Variants in ARHGEF10 observed in about 807,000 individuals in gnomAD.
The protein encoded by ARHGEF10 is Rho guanine nucleotide exchange factor 10, also known as Rho guanine nucleotide exchange factor (GEF) 10.
Under a neutral mutation model 147.4 loss-of-function variants are expected in ARHGEF10, and 140 were observed. That is an observed-to-expected ratio of 0.95 (90% CI 0.83 to 1.09). The LOEUF is 1.09. Ranked by LOEUF, ARHGEF10 falls within the 50% of genes least tolerant of loss-of-function variation. The probability of loss-of-function intolerance (pLI) is 0.00; values close to 1 mark genes in which losing one functional copy is unlikely to be tolerated. For synonymous variants in ARHGEF10, 902 were observed against 695.8 expected (o/e 1.30, Z -4.67); for missense variants, 2,222 against 1,752.7 (o/e 1.27, Z -4.78).
chr8:1,843,576 T>A, intron 2 of ARHGEF10, 140 bp downstream of exon 2: 1 of 737,986 alleles, frequency 1.4e-6, no homozygotes, highest in Non-Finnish European at 2.4e-6. Flanking sequence ...AAGAGAAGGT[T>A]CTGACGTGAG....
chr8:1,881,582 C>T (rs1475931844), intron 9 of ARHGEF10, among the ~76,000 whole-genome samples: 1 of 146,836 alleles, frequency 6.8e-6, no homozygotes, highest in African/African-American at 2.6e-5. Context: ...GGATGGGGGA[C>T]AGCATTGCAA....
intron 11 of ARHGEF10, among the ~76,000 whole-genome samples, chr8:1,891,213 C>A (rs1034174569): frequency 6.6e-6 from 1 of 152,188 alleles, no homozygotes; most frequent in African/African-American, 2.4e-5. Flanking sequence ...TTTCATGCAG[C>A]TTTCTTTATT....
At chr8:1,856,148 G>C (rs1333883810) in intron 2 of ARHGEF10, among the ~76,000 whole-genome samples, 4 of 152,164 alleles carry the variant, frequency 2.6e-5, no homozygotes, top group Admixed American at 2.6e-4. Flanking sequence ...TTTGGTATCT[G>C]GGCAGAGCAG....
chr8:1,844,465 T>TCCCTGGGGCCTGGTAGATGACAGA (rs1329433075), intron 2 of ARHGEF10, among the ~76,000 whole-genome samples: 8 of 151,344 alleles, frequency 5.3e-5, no homozygotes, highest in East Asian at 1.9e-4. Flanking sequence ...AATCCAGGGG[T>TCCCTGGGGCCTGGTAGATGACAGA]GAGCAGTGGC....
intron 1 of ARHGEF10, among the ~76,000 whole-genome samples, chr8:1,836,642 G>T (rs760908029): frequency 6.6e-6 from 1 of 152,268 alleles, no homozygotes; most frequent in East Asian, 1.9e-4. Context: ...AGCGCATGCT[G>T]CCGTGGGCTG....
rs201154931 is a variant in ARHGEF10 at position 1,893,565 on chromosome 8, A to C, written c.1183-4A>C. On this transcript the variant is annotated splice_polypyrimidine_tract_variant and splice_region_variant and intron_variant, in intron 11 of 28. Transcript: ENST00000349830. ...CTATCATTGTACTTCCAAATTTCCAACAGGTTGTAAGAAGATATATACTGG... is the reference window on the plus strand; with the variant it reads ...CTATCATTGTACTTCCAAATTTCCACCAGGTTGTAAGAAGATATATACTGG... 24 of 1,610,004 alleles carry C rather than the reference A, an allele frequency of 1.5e-5. No individual in the cohort carries two copies. The highest frequency in any genetic ancestry group is 4.0e-5 in the African/African-American group (3 of 74,822).
At chr8:1,888,613 AGG>A (rs1809020321) in intron 11 of ARHGEF10, among the ~76,000 whole-genome samples, 1 of 127,802 alleles carries the variant, frequency 7.8e-6, no homozygotes, top group Admixed American at 7.6e-5. Context: ...GAGTGTGGTG[AGG>A]TTTGTGAGGA....
intron 11 of ARHGEF10, among the ~76,000 whole-genome samples, chr8:1,891,028 C>A (rs1809484332): frequency 1.3e-5 from 2 of 152,080 alleles, no homozygotes; most frequent in South Asian, 4.1e-4. Context: ...TTTTCCTTTT[C>A]TTTGAAGGGT....
chr8:1,869,297 C>T lies in ARHGEF10; in HGVS notation c.679+47C>T. 2.6e-6 allele frequency: 4 copies of T among 1,540,338 alleles called. 1 individual carries two copies. The highest frequency in any genetic ancestry group is 3.6e-6 in the Non-Finnish European group (4 of 1,112,676). On this transcript the variant is annotated intron_variant, in intron 7 of 28. Transcript: ENST00000349830. Reference sequence around the variant, plus strand: ...ATTTGAGGAGATTCAGCTCAGCAGCCTTTCCCTCTGGATGCCAAAGTGACT... The same window carrying T: ...ATTTGAGGAGATTCAGCTCAGCAGCTTTTCCCTCTGGATGCCAAAGTGACT...
chr8:1,913,517 G>T (rs982779761), intron 18 of ARHGEF10, among the ~76,000 whole-genome samples: 1 of 152,238 alleles, frequency 6.6e-6, no homozygotes, highest in Non-Finnish European at 1.5e-5. Context: ...AAGCATCTGT[G>T]TTCCTCGCTG....
At position 1,956,798 on chromosome 8, in the gene ARHGEF10, C is replaced by A; in HGVS notation, c.3570C>A (p.Ile1190=). Residue 1190 remains isoleucine, a synonymous_variant, in exon 29 of 29, where the codon ATC becomes ATA. Coordinates refer to ENST00000349830, the MANE Select transcript of ARHGEF10 (RefSeq NM_014629.4). ...CACACAACAGTCCTGTCAAATTCAT[C>A]GTCCTGGCCACGGCTCTGCACGAGA... ...YHAHNSPVKF[I]VLATALHEKD... 1.2e-6 allele frequency: 2 copies of A among 1,614,100 alleles called. No individual in the cohort carries two copies. The highest frequency in any genetic ancestry group is 1.3e-5 in the African/African-American group (1 of 75,056).
intron 18 of ARHGEF10, among the ~76,000 whole-genome samples, chr8:1,916,499 G>A (rs1811770471): frequency 6.6e-6 from 1 of 152,178 alleles, no homozygotes; most frequent in African/African-American, 2.4e-5. Flanking sequence ...TAGTCACGGG[G>A]GAGAATTCTT....
intron 2 of ARHGEF10, among the ~76,000 whole-genome samples, chr8:1,851,075 C>T (rs544217536): frequency 1.8e-3 from 269 of 152,306 alleles, no homozygotes; most frequent in African/African-American, 6.1e-3. Context: ...ATTTTTAGGG[C>T]CACGAAATTC....
intron 6 of ARHGEF10, among the ~76,000 whole-genome samples, chr8:1,868,449 T>C (rs940204714): frequency 1.3e-5 from 2 of 152,260 alleles, no homozygotes; most frequent in Non-Finnish European, 2.9e-5. Context: ...CGGATTTTCA[T>C]GTGAAGCGTG....
chr8:1,849,706 GCA>G (rs1804875456), intron 2 of ARHGEF10, among the ~76,000 whole-genome samples: 3 of 143,334 alleles, frequency 2.1e-5, no homozygotes, highest in Non-Finnish European at 3.1e-5. Context: ...GCTGAGGAGG[GCA>G]TGGGGTGGCC....
At chr8:1,954,154 C>T (rs1289059535) in intron 28 of ARHGEF10, among the ~76,000 whole-genome samples, 2 of 152,034 alleles carry the variant, frequency 1.3e-5, no homozygotes, top group East Asian at 3.9e-4. Flanking sequence ...AGTCCAGTGG[C>T]ACAGTCTCGG....
chr8:1,826,042 C>G, intron 1 of ARHGEF10: 1 of 1,441,642 alleles, frequency 6.9e-7, no homozygotes, highest in Non-Finnish European at 9.5e-7. Context: ...GTCTGTCTCT[C>G]ACAGCATTTA....
chr8:1,905,119 G>A (rs1203211557), intron 16 of ARHGEF10, among the ~76,000 whole-genome samples: 1 of 152,058 alleles, frequency 6.6e-6, no homozygotes, highest in African/African-American at 2.4e-5. Flanking sequence ...ACAGAGCGAG[G>A]CTTGGTCTCA....
intron 17 of ARHGEF10, among the ~76,000 whole-genome samples, chr8:1,906,989 T>C (rs1810945406): frequency 6.6e-6 from 1 of 152,240 alleles, no homozygotes; most frequent in Admixed American, 6.5e-5. Context: ...TGGCCTTCAC[T>C]GTGGACGCCT....
Sources: gnomAD v4.1 joint callset for allele counts (sites outside exome capture counted in the v4.1 genomes callset) on GRCh38, gnomAD v4.1.1 for gene constraint, MANE v1.5 for transcripts, NCBI Gene and HGNC (gene_info 2026-07-23, HGNC 2026-07-21) for gene names.